Variants in EML6 observed in about 807,000 individuals in gnomAD.
EML6 encodes EMAP like 6, also known as echinoderm microtubule-associated protein-like 6.
In EML6, 154 loss-of-function variants were observed where a neutral mutation model predicts 240.1. The ratio of observed to expected loss-of-function variants is 0.64; its 90% confidence interval spans 0.56 to 0.73. EML6 has a LOEUF of 0.73. Among genes scored for constraint, EML6 ranks in the 30% least tolerant of loss-of-function variants. The probability of loss-of-function intolerance (pLI) is 0.00; values close to 1 mark genes in which losing one functional copy is unlikely to be tolerated. For synonymous variants in EML6, 1,148 were observed against 899.0 expected (o/e 1.28, Z -4.95); for missense variants, 2,964 against 2,474.6 (o/e 1.20, Z -4.20).
At chr2:54,731,390 A>C (rs1193505351) in intron 2 of EML6, among the ~76,000 whole-genome samples, 1 of 152,194 alleles carries the variant, frequency 6.6e-6, no homozygotes, top group East Asian at 1.9e-4. Flanking sequence ...CTGTCATCCC[A>C]GCACTTTGGG....
chr2:54,789,760 C>T (rs933096336), intron 2 of EML6, among the ~76,000 whole-genome samples: 2 of 152,116 alleles, frequency 1.3e-5, no homozygotes, highest in African/African-American at 2.4e-5. Context: ...CAAACTAAGG[C>T]TCAGACATGG....
At chr2:54,941,453 G>C (rs185236448) in intron 28 of EML6, among the ~76,000 whole-genome samples, 1 of 152,168 alleles carries the variant, frequency 6.6e-6, no homozygotes. Context: ...CAGCGTAGCC[G>C]GACAGAGGCC....
chr2:54,782,872 A>C (rs1253599125), intron 2 of EML6, among the ~76,000 whole-genome samples: 1 of 152,200 alleles, frequency 6.6e-6, no homozygotes, highest in East Asian at 1.9e-4. Flanking sequence ...CTATGGTGAA[A>C]ACCAGGCGTC....
intron 7 of EML6, among the ~76,000 whole-genome samples, chr2:54,838,020 A>G (rs72808623): frequency 0.027 from 4,153 of 152,276 alleles, 88 homozygotes; most frequent in Non-Finnish European, 0.042. Flanking sequence ...TTCTTCCCCA[A>G]ATGGTTTGTT....
intron 24 of EML6, among the ~76,000 whole-genome samples, chr2:54,904,596 G>C (rs1170556009): frequency 6.6e-6 from 1 of 152,198 alleles, no homozygotes; most frequent in Non-Finnish European, 1.5e-5. Flanking sequence ...GTGAAGGTGG[G>C]AAGAACCAGG....
intron 2 of EML6, among the ~76,000 whole-genome samples, chr2:54,812,952 C>T (rs1480365386): frequency 6.6e-6 from 1 of 152,112 alleles, no homozygotes; most frequent in Non-Finnish European, 1.5e-5. Flanking sequence ...TAAAACTATA[C>T]AGACGATTTT....
In EML6 at chr2:54,929,645, C is replaced by A. The variant is rs139539128; in HGVS notation, c.4004+894C>A. On this transcript the variant is annotated intron_variant, in intron 28 of 41. Coordinates refer to ENST00000356458, the MANE Select transcript of EML6 (RefSeq NM_001039753.4). The stretch of plus-strand genomic sequence containing the variant: ...TCTGCCTAACAACAATAAGTCTGAC[C>A]TATCACTTCTTACTATTATGTGGGG... Among the ~76,000 whole-genome samples, 795 of 152,074 alleles carry A rather than the reference C, an allele frequency of 5.2e-3. 1 individual carries two copies. Among genetic ancestry groups the A allele is most frequent in the Non-Finnish European group, 8.4e-3 (572 of 67,998 alleles).
chr2:54,790,364 T>C (rs1323085772), intron 2 of EML6, among the ~76,000 whole-genome samples: 1 of 152,214 alleles, frequency 6.6e-6, no homozygotes, highest in African/African-American at 2.4e-5. Flanking sequence ...AATACTTAGG[T>C]AATTTCAGAT....
At chr2:54,773,416 A>G (rs1378740226) in intron 2 of EML6, among the ~76,000 whole-genome samples, 2 of 152,254 alleles carry the variant, frequency 1.3e-5, no homozygotes, top group African/African-American at 4.8e-5. Context: ...CAAATTGCTT[A>G]TCTCAGATCC....
At chr2:54,808,118 T>C (rs1670594205) in intron 2 of EML6, among the ~76,000 whole-genome samples, 1 of 152,192 alleles carries the variant, frequency 6.6e-6, no homozygotes, top group East Asian at 1.9e-4. Context: ...TGCTGTTTTG[T>C]CCATGTTGCT....
rs1167997044 is a variant in EML6 at position 54,960,094 on chromosome 2, G to GGGTC, written c.4854-125_4854-122dup. The GGGTC allele has an allele frequency of 1.7e-5, 12 of 693,544 alleles. No individual in the cohort carries two copies. In the South Asian group the frequency reaches 2.1e-4, roughly 12 times the overall value. The allele number at this position is 693,544 out of a possible 1,614,324, so 43.0% of individuals were successfully genotyped here. Reference sequence around the variant, plus strand: ...CTGCCTGGAGGGTCTGGACCCTGGAGGGTCTTTCCTTCTGGGCCCCAACTG... The same window carrying GGGTC: ...CTGCCTGGAGGGTCTGGACCCTGGAGGGTCGGTCTTTCCTTCTGGGCCCCAACTG... On this transcript the variant is annotated intron_variant, in intron 34 of 41. Coordinates refer to ENST00000356458, the MANE Select transcript of EML6 (RefSeq NM_001039753.4).
chr2:54,968,557 T>A (rs1676850826), intron 40 of EML6, 111 bp from the exon 41 acceptor site: 1 of 729,472 alleles, frequency 1.4e-6, no homozygotes, highest in Admixed American at 2.2e-5. Context: ...CAAATGGAAG[T>A]CCCCAGTGAA....
intron 16 of EML6, among the ~76,000 whole-genome samples, chr2:54,878,848 T>A (rs1039740845): frequency 6.6e-6 from 1 of 152,210 alleles, no homozygotes; most frequent in Non-Finnish European, 1.5e-5. Context: ...TATTCTGGTA[T>A]TGTTTTTTCT....
chr2:54,788,421 TC>T (rs1487261116), intron 2 of EML6, among the ~76,000 whole-genome samples: 3 of 152,338 alleles, frequency 2.0e-5, no homozygotes, highest in Non-Finnish European at 4.4e-5. Flanking sequence ...AACCGAGTTT[TC>T]TGTGAGAGGG....
At position 54,748,924 on chromosome 2, in the gene EML6, G is replaced by T. The variant is rs532519704; in HGVS notation, c.197+23666G>T. Among the ~76,000 whole-genome samples the T allele has an allele frequency of 2.0e-5, 3 of 152,176 alleles. No homozygotes were observed. In the East Asian group the frequency reaches 5.8e-4, roughly 29 times the overall value. ...GGTTTTATGTCTAAGCCTTCATATC[G>T]ATGGACATTTAGATTGTTGACTATT... is the stretch of plus-strand genomic sequence containing the variant. On this transcript the variant is annotated intron_variant, in intron 2 of 41. Coordinates refer to ENST00000356458, the MANE Select transcript of EML6 (RefSeq NM_001039753.4).
chr2:54,811,103 T>A (rs1667820730), intron 2 of EML6, among the ~76,000 whole-genome samples: 1 of 152,234 alleles, frequency 6.6e-6, no homozygotes. Flanking sequence ...TTATCCCCTC[T>A]ACCCATGTCT....
chr2:54,808,105 T>A (rs1670593685), intron 2 of EML6, among the ~76,000 whole-genome samples: 1 of 152,158 alleles, frequency 6.6e-6, no homozygotes, highest in African/African-American at 2.4e-5. Context: ...TGGCAATGAA[T>A]TTTGCTGTTT....
At chr2:54,885,696 C>G (rs1416703024) in intron 17 of EML6, among the ~76,000 whole-genome samples, 1 of 152,112 alleles carries the variant, frequency 6.6e-6, no homozygotes, top group Admixed American at 6.5e-5. Flanking sequence ...ACTGCAAGCT[C>G]CACCTCCCAG....
chr2:54,834,677 A>G (rs1237367967), intron 7 of EML6, among the ~76,000 whole-genome samples: 1 of 152,216 alleles, frequency 6.6e-6, no homozygotes, highest in Non-Finnish European at 1.5e-5. Context: ...GCTGTGTCTA[A>G]TGGACTATAA....
Sources: gnomAD v4.1 joint callset for allele counts (sites outside exome capture counted in the v4.1 genomes callset) on GRCh38, gnomAD v4.1.1 for gene constraint, MANE v1.5 for transcripts, NCBI Gene and HGNC (gene_info 2026-07-23, HGNC 2026-07-21) for gene names.